SYPL1: variants seen among roughly 807,000 people sequenced by gnomAD.
SYPL1 encodes the protein synaptophysin-like protein 1.
SYPL1 carries 6 observed loss-of-function variants against 23.7 expected under a neutral mutation model. That is an observed-to-expected ratio of 0.25 (90% CI 0.14 to 0.50). The LOEUF (loss-of-function observed/expected upper bound fraction) is 0.50. SYPL1 is among the 20% of genes least tolerant of loss of function. SYPL1 has a pLI of 0.98. For missense variants in SYPL1, 253 were observed against 288.9 expected (o/e 0.88, Z 0.90); for synonymous variants, 102 against 104.5 (o/e 0.98, Z 0.15).
At chr7:106,107,628 G>A (rs771039390) in intron 1 of SYPL1, among the ~76,000 whole-genome samples, 5 of 151,690 alleles carry the variant, frequency 3.3e-5, no homozygotes, top group Non-Finnish European at 7.4e-5. Context: ...TGTAGTCCCA[G>A]CTACTTGGGA....
intron 3 of SYPL1, among the ~76,000 whole-genome samples, chr7:106,093,640 A>T (rs1839876407): frequency 1.3e-5 from 1 of 76,822 alleles, no homozygotes; most frequent in Non-Finnish European, 3.9e-5. Context: ...GTCCTCACTT[A>T]TTTTAATCAA....
Position 106,112,125 on chromosome 7 carries a change from G to C in SYPL1, c.69+15C>G, listed in dbSNP as rs762148819. 2.1e-6 allele frequency: 3 copies of C among 1,450,434 alleles called. No homozygotes were observed. The highest frequency in any genetic ancestry group is 2.0e-5 in the Admixed American group (1 of 49,640). 89.8% of individuals were successfully genotyped at this position (1,450,434 alleles called of 1,614,324 possible). A position where few individuals can be genotyped will look rare whatever the true frequency, so the allele number is the denominator to read the frequency against. ...CGAGCGGCAGGCGGGCCTGGCCGGC[G>C]CGGGCTGCACTCACCCACTCGAGGA... On this transcript the variant is annotated intron_variant, in intron 1 of 4. Coordinates refer to ENST00000455385, the MANE Select transcript of SYPL1 (RefSeq NM_182715.4).
rs530280636 is a variant in SYPL1 at position 106,112,276 on chromosome 7, C to A, written c.-68G>T. ...GAGGAGGGGACCGACGAGACCAGAG[C>A]AGCCCGGTGGCGAGGAAGGGCAGGC... On this transcript the variant is annotated 5_prime_UTR_variant, in exon 1 of 5. Transcript: ENST00000455385. 13 of 1,449,982 alleles carry A rather than the reference C, an allele frequency of 9.0e-6. No homozygotes were observed. The East Asian group carries it at 1.7e-4, about 19-fold the overall frequency. The allele number at this position is 1,449,982 out of a possible 1,614,324, so 89.8% of individuals were successfully genotyped here. A position where few individuals can be genotyped will look rare whatever the true frequency, so the allele number is the denominator to read the frequency against.
At position 106,099,304 on chromosome 7, in the gene SYPL1, A is replaced by G. The variant is rs78401375; in HGVS notation, c.70-22T>C. The G allele has an allele frequency of 5.7e-3, 9,105 of 1,592,034 alleles. 431 individuals are homozygous for G. In the African/African-American group the frequency reaches 0.11, roughly 19 times the overall value. ...CAATCTACACAAAGTAAGATGAAAAAAGACAAAAGAAAAAAAAGATAAGCA... is the reference window on the plus strand; with the variant it reads ...CAATCTACACAAAGTAAGATGAAAAGAGACAAAAGAAAAAAAAGATAAGCA... On this transcript the variant is annotated intron_variant, in intron 1 of 4. Transcript: ENST00000455385.
chr7:106,099,336 C>T (rs1453470986), intron 1 of SYPL1, 54 bp from the exon 2 acceptor site: 1 of 1,561,444 alleles, frequency 6.4e-7, no homozygotes, highest in Non-Finnish European at 8.7e-7. Context: ...AGCAATACTA[C>T]AACCAAAACA....
At chr7:106,110,298 T>A (rs145680925) in intron 1 of SYPL1, among the ~76,000 whole-genome samples, 175 of 152,310 alleles carry the variant, frequency 1.1e-3, no homozygotes, top group Middle Eastern at 6.8e-3. Context: ...GAACATAAGA[T>A]TCCTTCTGCC....
At chr7:106,110,778 A>G (rs1426674603) in intron 1 of SYPL1, among the ~76,000 whole-genome samples, 7 of 152,232 alleles carry the variant, frequency 4.6e-5, no homozygotes. Flanking sequence ...CAAAAAATAT[A>G]AGCACAGATA....
Position 106,108,140 on chromosome 7 carries a change from G to A in SYPL1, c.69+4000C>T, listed in dbSNP as rs1840708959. Among the ~76,000 whole-genome samples the A allele has an allele frequency of 1.3e-5, 2 of 151,978 alleles. 1 individual carries two copies. Among genetic ancestry groups the A allele is most frequent in the South Asian group, 4.2e-4 (2 of 4,816 alleles). On this transcript the variant is annotated intron_variant, in intron 1 of 4. Coordinates refer to ENST00000455385, the MANE Select transcript of SYPL1 (RefSeq NM_182715.4). ...AACCTGGAAGGCGAGGTTGCATTGAGCCGAGACCACACTACTGCACTCCAG... is the reference window on the plus strand; with the variant it reads ...AACCTGGAAGGCGAGGTTGCATTGAACCGAGACCACACTACTGCACTCCAG...
chr7:106,098,362 C>A (rs1386830150), intron 2 of SYPL1, among the ~76,000 whole-genome samples: 2 of 152,108 alleles, frequency 1.3e-5, no homozygotes, highest in Non-Finnish European at 2.9e-5. Context: ...AAACTTGTCA[C>A]TAAAGATGCT....
rs372364308 is a variant in SYPL1, at chr7:106,095,495, C to T, written c.402+2195G>A. 2.0e-5 allele frequency among the ~76,000 whole-genome samples: 3 copies of T among 151,952 alleles called. No homozygotes were observed. The East Asian group carries it at 5.8e-4, about 29-fold the overall frequency. On this transcript the variant is annotated intron_variant, in intron 3 of 4. Transcript: ENST00000455385. The surrounding 1 kb of genome is among the most constrained non-coding windows in gnomAD (Gnocchi z 4.3). ...CTCCCAGTAGCTGGGATTACAGGTG[C>T]CCACCACCATGTCCAGCTAATTTTT...
chr7:106,103,489 T>C (rs747448649), intron 1 of SYPL1, among the ~76,000 whole-genome samples: 20 of 152,216 alleles, frequency 1.3e-4, no homozygotes, highest in Admixed American at 2.6e-4. Flanking sequence ...ATGTGGGCAC[T>C]ATAGCTGCAG....
At position 106,096,382 on chromosome 7, in the gene SYPL1, T is replaced by C. The variant is rs1373016264; in HGVS notation, c.402+1308A>G. The C allele has an allele frequency of 6.6e-6, 1 of 152,224 alleles. No homozygotes were observed. The highest frequency in any genetic ancestry group is 1.5e-5 in the Non-Finnish European group (1 of 68,032). The allele number at this position is 152,224 out of a possible 1,614,324, so 9.4% of individuals were successfully genotyped here. ...TATTTAATAATCCTTCATATTTAAATAGCCTTCCCTTTAAAGTAACTTCAC... is the reference window on the plus strand; with the variant it reads ...TATTTAATAATCCTTCATATTTAAACAGCCTTCCCTTTAAAGTAACTTCAC... On this transcript the variant is annotated intron_variant, in intron 3 of 4. Coordinates refer to ENST00000455385, the MANE Select transcript of SYPL1 (RefSeq NM_182715.4). The surrounding 1 kb of genome is among the most constrained non-coding windows in gnomAD (Gnocchi z 4.4).
Position 106,112,242 on chromosome 7 carries a change from G to C in SYPL1, c.-34C>G. 8 of 1,524,712 alleles carry C rather than the reference G, an allele frequency of 5.2e-6. No homozygotes were observed. Among genetic ancestry groups the C allele is most frequent in the Non-Finnish European group, 7.1e-6 (8 of 1,127,008 alleles). The allele number at this position is 1,524,712 out of a possible 1,614,324, so 94.4% of individuals were successfully genotyped here. On this transcript the variant is annotated 5_prime_UTR_variant, in exon 1 of 5. Transcript: ENST00000455385. ...GAAAGGAGGGAGAGAGAGTCAGGAC[G>C]ACGGGGCGGAGGAGGGGACCGACGA...
chr7:106,108,596 G>C (rs1476018735), intron 1 of SYPL1, among the ~76,000 whole-genome samples: 1 of 152,140 alleles, frequency 6.6e-6, no homozygotes, highest in African/African-American at 2.4e-5. Context: ...CCTTAAGCCT[G>C]CAAGTAGATT....
intron 4 of SYPL1, 69 bp from the exon 5 acceptor site, chr7:106,092,008 T>G: frequency 7.0e-7 from 1 of 1,429,942 alleles, no homozygotes; most frequent in Non-Finnish European, 9.4e-7. Context: ...TACTTAAAAA[T>G]CTCACTTTTT....
Position 106,112,295 on chromosome 7 carries a change from G to A in SYPL1, c.-87C>T, listed in dbSNP as rs1005857704. The stretch of plus-strand genomic sequence containing the variant: ...CCAGAGCAGCCCGGTGGCGAGGAAG[G>A]GCAGGCGGGGCTGGCGCGCTGGCCG... On this transcript the variant is annotated 5_prime_UTR_variant, in exon 1 of 5. Coordinates refer to ENST00000455385, the MANE Select transcript of SYPL1 (RefSeq NM_182715.4). 19 of 1,378,634 alleles carry A rather than the reference G, an allele frequency of 1.4e-5. No individual in the cohort carries two copies. Among genetic ancestry groups the A allele is most frequent in the Non-Finnish European group, 1.6e-5 (17 of 1,051,490 alleles). The allele number at this position is 1,378,634 out of a possible 1,614,324, so 85.4% of individuals were successfully genotyped here. A position where few individuals can be genotyped will look rare whatever the true frequency, so the allele number is the denominator to read the frequency against.
chr7:106,112,374 G>T, upstream of SYPL1: 2 of 1,287,222 alleles, frequency 1.6e-6, no homozygotes, highest in South Asian at 4.8e-5. Context: ...GAGCGGCGGC[G>T]GTTGAGCTGC....
chr7:106,103,942 G>A (rs1436642733), intron 1 of SYPL1, among the ~76,000 whole-genome samples: 1 of 152,070 alleles, frequency 6.6e-6, no homozygotes, highest in African/African-American at 2.4e-5. Context: ...GGCATAAAAG[G>A]CATGGCTGAT....
At chr7:106,101,470 A>C (rs200001450) in intron 1 of SYPL1, among the ~76,000 whole-genome samples, 14 of 141,336 alleles carry the variant, frequency 9.9e-5, no homozygotes, top group African/African-American at 3.5e-4. Flanking sequence ...CCCCCCCCAC[A>C]AAAAAGATAC....
Sources: allele counts gnomAD v4.1 joint callset (sites outside exome capture counted in the v4.1 genomes callset), GRCh38; gene constraint gnomAD v4.1.1; non-coding constraint Gnocchi (gnomAD v3.1); transcripts MANE v1.5; gene names NCBI Gene and HGNC (gene_info 2026-07-23, HGNC 2026-07-21).